The following SIRT5 variants were observed in gnomAD, a reference collection of about 807,000 sequenced individuals.
SIRT5 encodes sirtuin 5, also known as NAD-dependent protein deacylase sirtuin-5, mitochondrial.
Under a neutral mutation model 40.0 loss-of-function variants are expected in SIRT5, and 26 were observed. That is an observed-to-expected ratio of 0.65 (90% CI 0.48 to 0.90). The LOEUF is 0.90. Among genes scored for constraint, SIRT5 ranks in the 40% least tolerant of loss-of-function variants. The probability of loss-of-function intolerance (pLI) is 0.00; values close to 1 mark genes in which losing one functional copy is unlikely to be tolerated. For missense variants in SIRT5, 401 were observed against 402.4 expected (o/e 1.00, Z 0.03); for synonymous variants, 146 against 149.1 (o/e 0.98, Z 0.15).
intron 9 of SIRT5, chr6:13,605,578 A>G: frequency 4.1e-6 from 4 of 985,462 alleles, no homozygotes; most frequent in Non-Finnish European, 4.8e-6. Context: ...TCTAGTGACA[A>G]AGGCATAGAA....
intron 1 of SIRT5, among the ~76,000 whole-genome samples, chr6:13,577,063 A>G (rs552616513): frequency 1.3e-5 from 2 of 152,276 alleles, no homozygotes; most frequent in African/African-American, 2.4e-5. Context: ...GCCCTATAAT[A>G]TATTTTGAGA....
At chr6:13,604,662 G>T in intron 9 of SIRT5, 1 of 1,412,278 alleles carries the variant, frequency 7.1e-7, no homozygotes, top group South Asian at 1.6e-5. Context: ...AGCATCCCTT[G>T]GATATGGTGG....
rs1453368316 is a variant in SIRT5, at chr6:13,591,815, C to T, written c.396C>T (p.Gly132=). The stretch of plus-strand genomic sequence containing the variant: ...GTGAGACCCGGCTGGGCAAGCAGGG[C>T]CGGCGAGTCGTGGTCATCACCCAGA... ...AECETRLGKQ[G]RRVVVITQNI... Residue 132 remains glycine, a synonymous_variant, in exon 5 of 10, where the codon GGC becomes GGT. Transcript: ENST00000606117. 1.2e-6 allele frequency: 2 copies of T among 1,614,052 alleles called. No homozygotes were observed. Among genetic ancestry groups the T allele is most frequent in the Non-Finnish European group, 1.7e-6 (2 of 1,180,010 alleles).
rs35745768 is a variant in SIRT5, at chr6:13,591,766, C to A, written c.347C>A (p.Ala116Asp). The A allele has an allele frequency of 1.7e-5, 27 of 1,613,718 alleles. No homozygotes were observed. Among genetic ancestry groups the A allele is most frequent in the Middle Eastern group, 1.6e-4 (1 of 6,080 alleles). The change falls in exon 5 of 10, where the codon GCC (alanine) becomes GAC (aspartate). Residue 116 changes from alanine (A) to aspartate (D), a missense_variant. Coordinates refer to ENST00000606117, the MANE Select transcript of SIRT5 (RefSeq NM_012241.5). ...GTCATGGGGAGCAAGGAGCCCAACGCCGGGCACCGCGCCATAGCCGAGTGT... is the reference window on the plus strand; with the variant it reads ...GTCATGGGGAGCAAGGAGCCCAACGACGGGCACCGCGCCATAGCCGAGTGT... Reference protein sequence around the residue: ...REVMGSKEPNAGHRAIAECET... With the variant: ...REVMGSKEPNDGHRAIAECET...
intron 5 of SIRT5, among the ~76,000 whole-genome samples, chr6:13,592,915 A>ATT (rs70989874): frequency 0.02 from 2,829 of 139,098 alleles, 67 homozygotes; most frequent in African/African-American, 0.025. Flanking sequence ...ATTTAATTTA[A>ATT]TTTTTTTTTT....
At chr6:13,575,242 AG>A (rs1758453255) in intron 1 of SIRT5, among the ~76,000 whole-genome samples, 1 of 152,048 alleles carries the variant, frequency 6.6e-6, no homozygotes, top group Admixed American at 6.5e-5. Flanking sequence ...GGAGATCCAG[AG>A]GGGCAGGGCT....
Position 13,591,821 on chromosome 6 carries a change from A to C in SIRT5, c.402A>C (p.Arg134=), listed in dbSNP as rs144624041. Residue 134 remains arginine (R), a synonymous_variant, in exon 5 of 10, where the codon CGA becomes CGC. Transcript: ENST00000606117. ...CCCGGCTGGGCAAGCAGGGCCGGCG[A>C]GTCGTGGTCATCACCCAGAACATCG... ...CETRLGKQGR[R]VVVITQNIDE... 1.2e-6 allele frequency: 2 copies of C among 1,614,002 alleles called. No homozygotes were observed. Among genetic ancestry groups the C allele is most frequent in the Non-Finnish European group, 1.7e-6 (2 of 1,180,002 alleles).
In SIRT5 at chr6:13,591,707, C is replaced by T. The variant is rs1760922175; in HGVS notation, c.288C>T (p.Ser96=). The T allele has an allele frequency of 6.2e-7, 1 of 1,606,272 alleles. No individual in the cohort carries two copies. Among genetic ancestry groups the T allele is most frequent in the South Asian group, 1.1e-5 (1 of 90,606 alleles). Residue 96 remains serine, a synonymous_variant, in exon 5 of 10, where the codon TCC becomes TCT. Transcript: ENST00000606117. ...ATPLAFAHNP[S]RVWEFYHYRR... is the part of the protein sequence containing the mutation. ...CCCTGGCCTTTGCCCACAACCCGTC[C>T]CGGGTGTGGGAGTTCTACCACTACC...
At position 13,591,752 on chromosome 6, in the gene SIRT5, C is replaced by G; in HGVS notation, c.333C>G (p.Ser111Arg). Residue 111 changes from serine to arginine, a missense_variant, in exon 5 of 10, where the codon AGC becomes AGG. Coordinates refer to ENST00000606117, the MANE Select transcript of SIRT5 (RefSeq NM_012241.5). Reference sequence around the variant, plus strand: ...ACTACCGGCGGGAGGTCATGGGGAGCAAGGAGCCCAACGCCGGGCACCGCG... The same window carrying G: ...ACTACCGGCGGGAGGTCATGGGGAGGAAGGAGCCCAACGCCGGGCACCGCG... ...FYHYRREVMG[S>R]KEPNAGHRAI... 1 of 1,613,320 alleles carries G rather than the reference C, an allele frequency of 6.2e-7. No individual in the cohort carries two copies. The highest frequency in any genetic ancestry group is 8.5e-7 in the Non-Finnish European group (1 of 1,179,494).
At chr6:13,591,432 C>G (rs993695853) in intron 4 of SIRT5, among the ~76,000 whole-genome samples, 1 of 152,244 alleles carries the variant, frequency 6.6e-6, no homozygotes, top group African/African-American at 2.4e-5. Context: ...TGTTTTGTCA[C>G]TAAGGAAATT....
chr6:13,611,955 T>C lies in SIRT5; in HGVS notation c.*90T>C. ...GTCTTATGGGTGGTGAGCTGAGTACTGAACAATCTAAAAATAGCCTCTGAT... is the reference window on the plus strand; with the variant it reads ...GTCTTATGGGTGGTGAGCTGAGTACCGAACAATCTAAAAATAGCCTCTGAT... On this transcript the variant is annotated 3_prime_UTR_variant, in exon 10 of 10. Coordinates refer to ENST00000606117, the MANE Select transcript of SIRT5 (RefSeq NM_012241.5). The C allele has an allele frequency of 2.5e-6, 3 of 1,216,170 alleles. No individual in the cohort carries two copies. Among genetic ancestry groups the C allele is most frequent in the Non-Finnish European group, 3.5e-6 (3 of 845,586 alleles). The allele number at this position is 1,216,170 out of a possible 1,614,324, so 75.3% of individuals were successfully genotyped here.
intron 9 of SIRT5, among the ~76,000 whole-genome samples, chr6:13,609,715 C>T (rs960977794): frequency 3.9e-5 from 6 of 152,130 alleles, no homozygotes; most frequent in African/African-American, 9.7e-5. Flanking sequence ...GAACAAAATC[C>T]AAAAGCAGTA....
At chr6:13,583,163 G>A (rs889918148) in intron 2 of SIRT5, among the ~76,000 whole-genome samples, 1 of 151,962 alleles carries the variant, frequency 6.6e-6, no homozygotes, top group African/African-American at 2.4e-5. Flanking sequence ...CCGTGATCAC[G>A]CCACTGCACT....
At chr6:13,574,522 G>T, upstream of SIRT5, 1 of 152,286 alleles carries the variant, frequency 6.6e-6, no homozygotes. Flanking sequence ...AGCGGTTGGA[G>T]GAAGGGATGT....
chr6:13,601,523 T>C (rs1037466140), intron 9 of SIRT5, among the ~76,000 whole-genome samples: 50 of 151,996 alleles, frequency 3.3e-4, no homozygotes, highest in African/African-American at 1.2e-3. Flanking sequence ...TCACCCCAAC[T>C]TTTTTTTGCT....
chr6:13,582,207 C>T (rs892329298), intron 2 of SIRT5, among the ~76,000 whole-genome samples: 4 of 152,234 alleles, frequency 2.6e-5, no homozygotes, highest in Admixed American at 2.6e-4. Flanking sequence ...TTGCTCAGCT[C>T]TAATCTCCTT....
intron 1 of SIRT5, among the ~76,000 whole-genome samples, chr6:13,575,510 G>T (rs1283795138): frequency 6.6e-6 from 1 of 151,688 alleles, no homozygotes; most frequent in East Asian, 1.9e-4. Flanking sequence ...ATTATCCTTA[G>T]CATGTATTTT....
chr6:13,600,125 C>A (rs943917852), intron 8 of SIRT5, among the ~76,000 whole-genome samples: 1 of 152,162 alleles, frequency 6.6e-6, no homozygotes, highest in African/African-American at 2.4e-5. Flanking sequence ...CAAATGATTT[C>A]CTTAGGACAC....
chr6:13,598,911 G>A, intron 7 of SIRT5, 121 bp from the exon 8 acceptor site: 1 of 1,122,906 alleles, frequency 8.9e-7, no homozygotes, highest in Non-Finnish European at 1.3e-6. Context: ...AGGGTGTAGG[G>A]AATAAGAGGC....
Sources: gnomAD v4.1 joint callset for allele counts (sites outside exome capture counted in the v4.1 genomes callset) on GRCh38, gnomAD v4.1.1 for gene constraint, MANE v1.5 for transcripts, NCBI Gene and HGNC (gene_info 2026-07-23, HGNC 2026-07-21) for gene names.